Variants in ST8SIA4 observed in about 807,000 individuals in gnomAD.
ST8SIA4 encodes the protein ST8 alpha-N-acetyl-neuraminide alpha-2,8-sialyltransferase 4.
ST8SIA4 carries 15 observed loss-of-function variants against 33.9 expected under a neutral mutation model. The ratio of observed to expected loss-of-function variants is 0.44; its 90% CI spans 0.30 to 0.68. The LOEUF (loss-of-function observed/expected upper bound fraction) is 0.68. Among genes scored for constraint, ST8SIA4 ranks in the 30% least tolerant of loss-of-function variants. ST8SIA4 has a pLI of 0.10. For synonymous variants in ST8SIA4, 171 were observed against 151.2 expected (o/e 1.13, Z -0.96); for missense variants, 321 against 428.0 (o/e 0.75, Z 2.21).
chr5:100,828,761 G>A (rs955425073), intron 4 of ST8SIA4, among the ~76,000 whole-genome samples: 8 of 152,082 alleles, frequency 5.3e-5, no homozygotes, highest in Non-Finnish European at 7.4e-5. Flanking sequence ...ACAAGCATTG[G>A]TTCAAGTCAA....
chr5:100,840,193 C>T (rs1032879160), intron 4 of ST8SIA4, among the ~76,000 whole-genome samples: 2 of 151,598 alleles, frequency 1.3e-5, no homozygotes, highest in Non-Finnish European at 3.0e-5. Flanking sequence ...TATAAATTTC[C>T]TTTCACCCTT....
At chr5:100,834,747 C>A (rs1055588569) in intron 4 of ST8SIA4, among the ~76,000 whole-genome samples, 4 of 151,982 alleles carry the variant, frequency 2.6e-5, no homozygotes, top group Admixed American at 6.6e-5. Flanking sequence ...TACCATCTCC[C>A]AGCTCTTTCT....
At chr5:100,836,475 T>C (rs1057236832) in intron 4 of ST8SIA4, among the ~76,000 whole-genome samples, 28 of 151,960 alleles carry the variant, frequency 1.8e-4, no homozygotes, top group African/African-American at 5.1e-4. Context: ...TACGGTAGAC[T>C]ACTAATGGAT....
chr5:100,823,054 C>T (rs1416866619), intron 4 of ST8SIA4, among the ~76,000 whole-genome samples: 1 of 152,012 alleles, frequency 6.6e-6, no homozygotes, highest in Non-Finnish European at 1.5e-5. Flanking sequence ...TGGTGTGAAC[C>T]CGGGAGGCAG....
intron 4 of ST8SIA4, among the ~76,000 whole-genome samples, chr5:100,846,856 A>G (rs1372562294): frequency 1.3e-5 from 2 of 152,146 alleles, no homozygotes; most frequent in Admixed American, 1.3e-4. Flanking sequence ...AGTTTGAGCC[A>G]CACACTTGGG....
intron 2 of ST8SIA4, among the ~76,000 whole-genome samples, chr5:100,895,452 A>G (rs1561409853): frequency 6.6e-6 from 1 of 152,066 alleles, no homozygotes; most frequent in Non-Finnish European, 1.5e-5. Flanking sequence ...TCACATATTC[A>G]TCCTTAAATC....
intron 4 of ST8SIA4, among the ~76,000 whole-genome samples, chr5:100,854,019 G>C (rs981716187): frequency 2.1e-5 from 3 of 143,534 alleles, no homozygotes; most frequent in Non-Finnish European, 4.6e-5. Context: ...GTATGTTTAA[G>C]ATGGAAACAT....
chr5:100,812,519 AAAAGTTTG>A (rs1279414754), intron 4 of ST8SIA4, among the ~76,000 whole-genome samples: 2 of 152,106 alleles, frequency 1.3e-5, no homozygotes, highest in Non-Finnish European at 2.9e-5. Flanking sequence ...TCCCAGAAAA[AAAAGTTTG>A]AAACTATGCC....
At chr5:100,876,381 A>T (rs1031721963) in intron 3 of ST8SIA4, among the ~76,000 whole-genome samples, 1 of 152,214 alleles carries the variant, frequency 6.6e-6, no homozygotes, top group Non-Finnish European at 1.5e-5. Flanking sequence ...GAAATGGTAC[A>T]TAAATGGCAC....
intron 3 of ST8SIA4, among the ~76,000 whole-genome samples, chr5:100,882,029 T>C (rs1323573435): frequency 6.6e-6 from 1 of 152,204 alleles, no homozygotes; most frequent in African/African-American, 2.4e-5. Flanking sequence ...GGGGTGTTGC[T>C]GAAAAGATAC....
At position 100,813,943 on chromosome 5, in the gene ST8SIA4, T is replaced by C. The variant is rs569220160; in HGVS notation, c.798-1814A>G. 2.0e-5 allele frequency among the ~76,000 whole-genome samples: 3 copies of C among 152,130 alleles called. No individual in the cohort carries two copies. In the East Asian group the frequency reaches 5.8e-4, roughly 29 times the overall value. Reference sequence around the variant, plus strand: ...GAACAATTTGGCAGTATGAAGGTCATGCTGAATTATTTCTAAAGTGAGAAA... The same window carrying C: ...GAACAATTTGGCAGTATGAAGGTCACGCTGAATTATTTCTAAAGTGAGAAA... On this transcript the variant is annotated intron_variant, in intron 4 of 4. Transcript: ENST00000231461.
At chr5:100,870,570 C>T (rs1032436301) in intron 3 of ST8SIA4, among the ~76,000 whole-genome samples, 4 of 152,070 alleles carry the variant, frequency 2.6e-5, no homozygotes, top group African/African-American at 9.7e-5. Context: ...AAATCGTTTA[C>T]AATCTTTGTT....
intron 4 of ST8SIA4, among the ~76,000 whole-genome samples, chr5:100,812,533 A>ATGC (rs1321090459): frequency 6.6e-6 from 1 of 152,132 alleles, no homozygotes; most frequent in African/African-American, 2.4e-5. Context: ...GTTTGAAACT[A>ATGC]TGCCTATAGA....
intron 4 of ST8SIA4, among the ~76,000 whole-genome samples, chr5:100,838,398 A>C (rs1580456491): frequency 1.3e-5 from 2 of 152,036 alleles, no homozygotes; most frequent in Non-Finnish European, 2.9e-5. Flanking sequence ...CAACCAGAAG[A>C]AGGAACAGAA....
rs897155596 is a variant in ST8SIA4, at chr5:100,811,024, A to C, written c.*823T>G. 1 of 152,340 alleles carries C rather than the reference A, an allele frequency of 6.6e-6. No individual in the cohort carries two copies. The highest frequency in any genetic ancestry group is 6.5e-5 in the Admixed American group (1 of 15,274). 9.4% of individuals were successfully genotyped at this position (152,340 alleles called of 1,614,324 possible). A position where few individuals can be genotyped will look rare whatever the true frequency, so the allele number is the denominator to read the frequency against. On this transcript the variant is annotated 3_prime_UTR_variant, in exon 5 of 5. Transcript: ENST00000231461. ...AAATCCGTCTCCACTAAAAATACAAAAAATTAGCCAGGCGTGGTGGCAGGC... is the reference window on the plus strand; with the variant it reads ...AAATCCGTCTCCACTAAAAATACAACAAATTAGCCAGGCGTGGTGGCAGGC...
intron 4 of ST8SIA4, among the ~76,000 whole-genome samples, chr5:100,853,112 G>T (rs1343814888): frequency 6.6e-6 from 1 of 152,182 alleles, no homozygotes; most frequent in East Asian, 1.9e-4. Flanking sequence ...AGTCAAAGGA[G>T]ATGTAAAACA....
At position 100,810,803 on chromosome 5, in the gene ST8SIA4, C is replaced by T. The variant is rs1019329890; in HGVS notation, c.*1044G>A. 6.6e-6 allele frequency: 1 copy of T among 152,438 alleles called. No homozygotes were observed. Among genetic ancestry groups the T allele is most frequent in the Non-Finnish European group, 1.5e-5 (1 of 68,018 alleles). 9.4% of individuals were successfully genotyped at this position (152,438 alleles called of 1,614,324 possible). On this transcript the variant is annotated 3_prime_UTR_variant, in exon 5 of 5. Coordinates refer to ENST00000231461, the MANE Select transcript of ST8SIA4 (RefSeq NM_005668.6). ...TTTCCTTTAGAATGGCCTAATATTA[C>T]ATAGTGGTTCACTTTAGCTGGTACC...
chr5:100,871,277 A>C (rs575439434), intron 3 of ST8SIA4, among the ~76,000 whole-genome samples: 15 of 152,218 alleles, frequency 9.9e-5, no homozygotes, highest in African/African-American at 3.4e-4. Context: ...AGAATAAAAA[A>C]TCGATTGAAT....
intron 3 of ST8SIA4, among the ~76,000 whole-genome samples, chr5:100,880,019 A>C (rs1752382739): frequency 6.6e-6 from 1 of 152,110 alleles, no homozygotes; most frequent in African/African-American, 2.4e-5. Context: ...AGGGATTATC[A>C]TTCATGCAAG....
Sources: allele counts gnomAD v4.1 joint callset (sites outside exome capture counted in the v4.1 genomes callset), GRCh38; gene constraint gnomAD v4.1.1; transcripts MANE v1.5; gene names NCBI Gene and HGNC (gene_info 2026-07-23, HGNC 2026-07-21).